Variants in IRAK1BP1 observed in about 807,000 individuals in gnomAD.
The protein encoded by IRAK1BP1 is interleukin-1 receptor-associated kinase 1-binding protein 1.
Under a neutral mutation model 28.0 loss-of-function variants are expected in IRAK1BP1, and 24 were observed. The ratio of observed to expected loss-of-function variants is 0.86; its 90% confidence interval spans 0.62 to 1.20. The LOEUF (loss-of-function observed/expected upper bound fraction) is 1.20, where lower values mean the gene tolerates loss of function less well. Ranked by LOEUF, IRAK1BP1 falls within the 50% of genes most tolerant of loss-of-function variation. The probability of loss-of-function intolerance (pLI) is 0.00; values close to 1 mark genes in which losing one functional copy is unlikely to be tolerated. For missense variants in IRAK1BP1, 336 were observed against 316.7 expected (o/e 1.06, Z -0.46); for synonymous variants, 131 against 116.3 (o/e 1.13, Z -0.81).
chr6:78,935,582 TA>T (rs1773247558), intron 4 of IRAK1BP1: 2 of 972,990 alleles, frequency 2.1e-6, no homozygotes, highest in African/African-American at 3.5e-5. Flanking sequence ...AAGAAATCAA[TA>T]AAATTGTTTT....
In IRAK1BP1 at chr6:78,898,411, AATATATATATAT is replaced by A. The variant is rs58937738; in HGVS notation, c.*100_*111del. 52 of 86,510 alleles carry A rather than the reference AATATATATATAT, an allele frequency of 6.0e-4. 1 individual carries two copies. In the East Asian group the frequency reaches 8.6e-3, roughly 14 times the overall value. The allele number at this position is 86,510 out of a possible 1,614,324, so 5.4% of individuals were successfully genotyped here. A position where few individuals can be genotyped will look rare whatever the true frequency, so the allele number is the denominator to read the frequency against. ...TTTTATAATGTTTACGTTTGTCCTG[AATATATATATAT>A]ATATATATATATATATATATATGGT... On this transcript the variant is annotated 3_prime_UTR_variant, in exon 4 of 4. Transcript: ENST00000369940.
rs1056635328 is a variant in IRAK1BP1 at position 78,913,758 on chromosome 6, C to A, written c.*67+10648C>A. On this transcript the variant is annotated intron_variant and NMD_transcript_variant, in intron 4 of 4. Transcript: ENST00000606868. Reference sequence around the variant, plus strand: ...TTTACAGTGAAACCTCTACTTTTTTCACTCCAGGAGTATTTCAACTATTTA... The same window carrying A: ...TTTACAGTGAAACCTCTACTTTTTTAACTCCAGGAGTATTTCAACTATTTA... Among the ~76,000 whole-genome samples, 31 of 152,100 alleles carry A rather than the reference C, an allele frequency of 2.0e-4. 1 individual carries two copies. Among genetic ancestry groups the A allele is most frequent in the Non-Finnish European group, 1.3e-4 (9 of 68,000 alleles).
chr6:78,884,334 CA>C (rs1001104956), intron 1 of IRAK1BP1, among the ~76,000 whole-genome samples: 6 of 151,444 alleles, frequency 4.0e-5, no homozygotes, highest in Non-Finnish European at 5.9e-5. Context: ...TTGAAAGGTA[CA>C]AAAAAAATTA....
chr6:78,922,741 A>C (rs1354255258), intron 4 of IRAK1BP1, among the ~76,000 whole-genome samples: 3 of 152,228 alleles, frequency 2.0e-5, no homozygotes, highest in African/African-American at 7.2e-5. Flanking sequence ...GAAACTCTAC[A>C]AGCCAGAAGA....
Position 78,881,187 on chromosome 6 carries a change from C to A in IRAK1BP1, c.316-4191C>A, listed in dbSNP as rs113518384. 1.9e-4 allele frequency among the ~76,000 whole-genome samples: 29 copies of A among 152,076 alleles called. No individual in the cohort carries two copies. In the East Asian group the frequency reaches 5.2e-3, roughly 27 times the overall value. ...ATCCATGCAAAAGAATATTATTCAG[C>A]AATAAAAAGGAATGAGAATTGATTC... On this transcript the variant is annotated intron_variant, in intron 1 of 3. Transcript: ENST00000369940.
rs1770627492 is a variant in IRAK1BP1 at position 78,867,699 on chromosome 6, C to T, written c.123C>T (p.Leu41=). The T allele has an allele frequency of 1.2e-6, 2 of 1,614,158 alleles. No homozygotes were observed. The highest frequency in any genetic ancestry group is 1.7e-6 in the Non-Finnish European group (2 of 1,180,062). Residue 41 remains leucine, a synonymous_variant, in exon 1 of 4, where the codon CTC becomes CTT. Transcript: ENST00000369940. The part of the protein sequence containing the change: ...RETLPGLRHP[L]SSTQAQTATR... ...CGCTACCGGGCTTACGCCACCCCCT[C>T]TCCTCAACACAAGCCCAAACTGCTA...
At chr6:78,963,178 G>T in the IRAK1BP1 span, 1 of 1,611,348 alleles carries the variant, frequency 6.2e-7, no homozygotes, top group South Asian at 1.1e-5. Context: ...TCTCCATCAA[G>T]AGGTTTATAG....
exon 5 of IRAK1BP1, chr6:78,946,386 G>T: frequency 7.3e-7 from 1 of 1,376,990 alleles, no homozygotes; most frequent in Non-Finnish European, 9.6e-7. Context: ...GATTTATAGT[G>T]GATTTCATAT....
intron 4 of IRAK1BP1, among the ~76,000 whole-genome samples, chr6:78,943,867 T>C (rs1318548906): frequency 2.0e-5 from 3 of 151,714 alleles, no homozygotes; most frequent in Non-Finnish European, 2.9e-5. Context: ...ACACCTATAA[T>C]TCCAGCTACT....
intron 2 of IRAK1BP1, among the ~76,000 whole-genome samples, chr6:78,889,132 A>G (rs1175810182): frequency 1.1e-4 from 15 of 137,496 alleles, no homozygotes; most frequent in Middle Eastern, 4.2e-3. Flanking sequence ...AAAAAAAAAA[A>G]AAGAAAGAAA....
intron 2 of IRAK1BP1, 69 bp from the exon 3 acceptor site, chr6:78,897,760 T>A: frequency 7.2e-7 from 1 of 1,398,554 alleles, no homozygotes; most frequent in African/African-American, 1.4e-5. Context: ...CTTTTTTTAC[T>A]TACATGTAGA....
chr6:78,913,915 T>C (rs1157135644), intron 4 of IRAK1BP1, among the ~76,000 whole-genome samples: 1 of 152,264 alleles, frequency 6.6e-6, no homozygotes, highest in Admixed American at 6.5e-5. Context: ...ATTTGCTAGT[T>C]GCTTCTTAGT....
At chr6:78,935,915 T>TC (rs1773255493) in intron 4 of IRAK1BP1, 1 of 186,656 alleles carries the variant, frequency 5.4e-6, no homozygotes, top group African/African-American at 2.4e-5. Context: ...AGTTTGTAGT[T>TC]ACTACATTGC....
At chr6:78,926,424 G>A (rs1359488446) in intron 4 of IRAK1BP1, among the ~76,000 whole-genome samples, 1 of 152,018 alleles carries the variant, frequency 6.6e-6, no homozygotes, top group Non-Finnish European at 1.5e-5. Flanking sequence ...TTCTGGGTAC[G>A]TGGTAGGTGT....
chr6:78,945,810 C>G, exon 5 of IRAK1BP1: 1 of 606,346 alleles, frequency 1.6e-6, no homozygotes. Flanking sequence ...AAGCATTAGT[C>G]TATAATGACC....
the IRAK1BP1 span, chr6:78,970,715 A>G: frequency 9.8e-7 from 1 of 1,023,082 alleles, no homozygotes; most frequent in South Asian, 1.5e-5. Context: ...GTAACCTTTG[A>G]TACAATTTTC....
chr6:78,927,018 G>A (rs1772907486), intron 4 of IRAK1BP1, among the ~76,000 whole-genome samples: 1 of 152,062 alleles, frequency 6.6e-6, no homozygotes, highest in African/African-American at 2.4e-5. Flanking sequence ...GGAAGTTCAG[G>A]TATCTCTTGG....
At chr6:78,891,158 A>G (rs910598453) in intron 2 of IRAK1BP1, among the ~76,000 whole-genome samples, 9 of 152,246 alleles carry the variant, frequency 5.9e-5, no homozygotes, top group Admixed American at 2.6e-4. Flanking sequence ...AAGGACATGT[A>G]CAACTAAGAA....
chr6:78,893,345 T>C (rs1034168900), intron 2 of IRAK1BP1, among the ~76,000 whole-genome samples: 6 of 111,698 alleles, frequency 5.4e-5, no homozygotes, highest in African/African-American at 1.8e-4. Context: ...TATATATATA[T>C]ATATCAACGA....
Sources: gnomAD v4.1 joint callset for allele counts (sites outside exome capture counted in the v4.1 genomes callset) on GRCh38, gnomAD v4.1.1 for gene constraint, MANE v1.5 for transcripts, NCBI Gene and HGNC (gene_info 2026-07-23, HGNC 2026-07-21) for gene names.